The following UBE3B variants were observed in gnomAD, a reference collection of about 807,000 sequenced individuals.
The protein encoded by UBE3B is ubiquitin-protein ligase E3B.
In UBE3B, 80 loss-of-function variants were observed where a neutral mutation model predicts 132.3. That is an observed-to-expected ratio of 0.60 (90% CI 0.50 to 0.73). The LOEUF (loss-of-function observed/expected upper bound fraction) is 0.73, where lower values mean the gene tolerates loss of function less well. UBE3B is among the 30% of genes least tolerant of loss of function. The pLI, the probability that UBE3B is intolerant of heterozygous loss-of-function variation, is 0.00. For synonymous variants in UBE3B, 487 were observed against 520.4 expected, an observed-to-expected ratio of 0.94 and a Z score of 0.87; for missense variants, 1,196 against 1,362.5, an observed-to-expected ratio of 0.88 and a Z score of 1.92.
At position 109,499,423 on chromosome 12, in the gene UBE3B, T is replaced by C. The variant is rs376773160; in HGVS notation, c.941-210T>C. 5.3e-5 allele frequency among the ~76,000 whole-genome samples: 8 copies of C among 152,232 alleles called. No individual in the cohort carries two copies. In the East Asian group the frequency reaches 9.6e-4, roughly 18 times the overall value. Reference sequence around the variant, plus strand: ...ATGGGTTGACGGCCACGGCTCACCTTGTCTGTGGCATAGCCAGGATTTGAA... The same window carrying C: ...ATGGGTTGACGGCCACGGCTCACCTCGTCTGTGGCATAGCCAGGATTTGAA... On this transcript the variant is annotated intron_variant, in intron 11 of 27. Coordinates refer to ENST00000342494, the MANE Select transcript of UBE3B (RefSeq NM_130466.4).
chr12:109,507,985 T>C (rs1210356489), intron 15 of UBE3B, among the ~76,000 whole-genome samples: 1 of 152,190 alleles, frequency 6.6e-6, no homozygotes, highest in African/African-American at 2.4e-5. Context: ...TGGCTGTGGC[T>C]TGGGGTCTCC....
chr12:109,509,700 G>C lies in UBE3B; in HGVS notation c.1727G>C (p.Trp576Ser), dbSNP rs1265263420. ...FLNSFVFKMI[W>S]DGIVENAKGE... ...AATTCTTTTGTGTTTAAGATGATCT[G>C]GGATGGAATTGTAGGTAAGAGAAAA... Residue 576 changes from tryptophan (W) to serine (S), a missense_variant, in exon 16 of 28, where the codon TGG becomes TCG. By Grantham distance (177) the Trp-to-Ser change is radical. Transcript: ENST00000342494. 3 of 1,604,796 alleles carry C rather than the reference G, an allele frequency of 1.9e-6. No homozygotes were observed. The East Asian group carries it at 6.7e-5, about 36-fold the overall frequency.
intron 13 of UBE3B, among the ~76,000 whole-genome samples, chr12:109,502,168 A>G (rs1303048414): frequency 6.6e-6 from 1 of 152,224 alleles, no homozygotes; most frequent in Non-Finnish European, 1.5e-5. Flanking sequence ...TTTGGCTGTG[A>G]ACCAACATGA....
chr12:109,538,649 T>G (rs376669302), downstream of UBE3B, among the ~76,000 whole-genome samples: 9 of 152,322 alleles, frequency 5.9e-5, no homozygotes, highest in East Asian at 5.8e-4. This position sits in a 1 kb window ranked among gnomAD's most constrained non-coding sequence, Gnocchi z 4.1. Flanking sequence ...ACCCTGGAGA[T>G]CAGGCTCGGA....
In UBE3B at chr12:109,534,433, G is replaced by C; in HGVS notation, c.3016-158G>C. The C allele has an allele frequency of 7.0e-7, 1 of 1,423,906 alleles. No homozygotes were observed. Among genetic ancestry groups the C allele is most frequent in the Non-Finnish European group, 9.2e-7 (1 of 1,091,968 alleles). 88.2% of individuals were successfully genotyped at this position (1,423,906 alleles called of 1,614,324 possible). On this transcript the variant is annotated intron_variant, in intron 27 of 27. Transcript: ENST00000342494. The surrounding 1 kb of genome is among the most constrained non-coding windows in gnomAD (Gnocchi z 5.2). The stretch of plus-strand genomic sequence containing the variant: ...CTGGAAGCCAGTCGTCTTGTGTCTG[G>C]GGCTTGACCTCGGGTAGTGGTGCCA...
At chr12:109,525,022 C>T (rs1882169537) in intron 23 of UBE3B, among the ~76,000 whole-genome samples, 1 of 152,084 alleles carries the variant, frequency 6.6e-6, no homozygotes, top group Non-Finnish European at 1.5e-5. Flanking sequence ...GAGGTCCCTG[C>T]ATGAGGCTCT....
chr12:109,484,719 A>C (rs1221628622), intron 4 of UBE3B, among the ~76,000 whole-genome samples: 1 of 142,436 alleles, frequency 7.0e-6, no homozygotes, highest in Non-Finnish European at 1.5e-5. Flanking sequence ...TTTTAAAGAG[A>C]TGCCAAAGAT....
rs1037398629 is a variant in UBE3B at position 109,510,436 on chromosome 12, C to T, written c.1834C>T (p.Pro612Ser). Residue 612 changes from proline (P) to serine (S), a missense_variant, in exon 17 of 28, where the codon CCC becomes TCC. By Grantham distance (74) the Pro-to-Ser change is moderately conservative. Coordinates refer to ENST00000342494, the MANE Select transcript of UBE3B (RefSeq NM_130466.4). ...GCGGGACTGCCGGCGGCGCTTCACC[C>T]CCGAGGACCACTGGCTGCGAAAGTG... is the stretch of plus-strand genomic sequence containing the variant. ...YERDCRRRFT[P>S]EDHWLRKDLK... is the part of the protein sequence containing the mutation. 6.2e-7 allele frequency: 1 copy of T among 1,612,350 alleles called. No individual in the cohort carries two copies. Among genetic ancestry groups the T allele is most frequent in the Non-Finnish European group, 8.5e-7 (1 of 1,179,428 alleles).
In UBE3B at chr12:109,522,559, T is replaced by C. The variant is rs536344224; in HGVS notation, c.2364+1008T>C. Among the ~76,000 whole-genome samples, 6 of 152,300 alleles carry C rather than the reference T, an allele frequency of 3.9e-5. No individual in the cohort carries two copies. In the South Asian group the frequency reaches 1.2e-3, roughly 32 times the overall value. ...AAGCGAGCCACCTGGGCAGCACTCCTCGCATACCCCAGGAACCTGGAGAAG... is the reference window on the plus strand; with the variant it reads ...AAGCGAGCCACCTGGGCAGCACTCCCCGCATACCCCAGGAACCTGGAGAAG... On this transcript the variant is annotated intron_variant, in intron 21 of 27. Transcript: ENST00000342494. The surrounding 1 kb of genome is among the most constrained non-coding windows in gnomAD (Gnocchi z 4.2).
downstream of UBE3B, among the ~76,000 whole-genome samples, chr12:109,539,862 C>T (rs1286390175): frequency 6.6e-6 from 1 of 152,044 alleles, no homozygotes; most frequent in Non-Finnish European, 1.5e-5. Context: ...GGCAGCAGCT[C>T]CTCCACCCGG....
At chr12:109,540,901 G>A (rs937727427), downstream of UBE3B, among the ~76,000 whole-genome samples, 4 of 152,264 alleles carry the variant, frequency 2.6e-5, no homozygotes, top group African/African-American at 9.6e-5. Flanking sequence ...CAGGTGGTGA[G>A]GAGGTATGAG....
intron 22 of UBE3B, 42 bp from the exon 23 acceptor site, chr12:109,524,396 T>G (rs1294041219): frequency 6.2e-7 from 1 of 1,611,166 alleles, no homozygotes; most frequent in Non-Finnish European, 8.5e-7. Flanking sequence ...AAGCACATAG[T>G]GCTCCATGGC....
chr12:109,508,207 G>A (rs7310945), intron 15 of UBE3B, among the ~76,000 whole-genome samples: 25,750 of 152,188 alleles, frequency 0.17, 2,239 homozygotes, highest in African/African-American at 0.18. Flanking sequence ...GCACATGGTA[G>A]GGATTAAAAG....
intron 26 of UBE3B, 21 bp downstream of exon 26, chr12:109,530,679 G>A (rs759998061): frequency 1.3e-6 from 2 of 1,587,702 alleles, no homozygotes; most frequent in African/African-American, 1.3e-5. Context: ...TATTACCTAT[G>A]CATGCATGCA....
chr12:109,525,402 T>G (rs1882225798), intron 23 of UBE3B, among the ~76,000 whole-genome samples: 2 of 152,206 alleles, frequency 1.3e-5, no homozygotes, highest in African/African-American at 4.8e-5. Context: ...ACAGAATAGC[T>G]CACGGGCAGG....
intron 26 of UBE3B, among the ~76,000 whole-genome samples, chr12:109,531,889 G>A (rs1428868318): frequency 6.6e-6 from 1 of 152,046 alleles, no homozygotes; most frequent in African/African-American, 2.4e-5. Context: ...CACAAAACAG[G>A]TGTGTTTGTG....
Position 109,486,618 on chromosome 12 carries a change from AGTAC to A in UBE3B, c.447+47_447+50del, listed in dbSNP as rs768352464. 11 of 1,450,548 alleles carry A rather than the reference AGTAC, an allele frequency of 7.6e-6. No homozygotes were observed. In the South Asian group the frequency reaches 1.4e-4, roughly 18 times the overall value. 89.9% of individuals were successfully genotyped at this position (1,450,548 alleles called of 1,614,324 possible). On this transcript the variant is annotated intron_variant, in intron 6 of 27. Transcript: ENST00000342494. ...AAAAAAAAAAAGCAAAACCAGAAACAGTACGTATGTCATTTTCACCTGTAGACTT... is the reference window on the plus strand; with the variant it reads ...AAAAAAAAAAAGCAAAACCAGAAACAGTATGTCATTTTCACCTGTAGACTT...
At chr12:109,504,122 G>A (rs1272692848) in intron 14 of UBE3B, among the ~76,000 whole-genome samples, 1 of 152,200 alleles carries the variant, frequency 6.6e-6, no homozygotes, top group Non-Finnish European at 1.5e-5. Flanking sequence ...AGATGATGTT[G>A]GCCTGGGCTA....
At chr12:109,480,406 G>T (rs142891559) in intron 1 of UBE3B, among the ~76,000 whole-genome samples, 4,224 of 152,104 alleles carry the variant, frequency 0.028, 78 homozygotes, top group Non-Finnish European at 0.039. Context: ...CTAACATTTT[G>T]GGAGGCCAAG....
Sources: allele counts gnomAD v4.1 joint callset (sites outside exome capture counted in the v4.1 genomes callset), GRCh38; gene constraint gnomAD v4.1.1; non-coding constraint Gnocchi (gnomAD v3.1); transcripts MANE v1.5; gene names NCBI Gene and HGNC (gene_info 2026-07-23, HGNC 2026-07-21).